Variants in VSIG10L observed in about 807,000 individuals in gnomAD.
VSIG10L encodes the protein V-set and immunoglobulin domain containing 10 like.
In VSIG10L, 63 loss-of-function variants were observed where a neutral mutation model predicts 67.3. The ratio of observed to expected loss-of-function variants is 0.94; its 90% CI spans 0.76 to 1.15. VSIG10L has a LOEUF of 1.15. Ranked by LOEUF, VSIG10L falls within the 50% of genes most tolerant of loss-of-function variation. The pLI is 0.00. For missense variants in VSIG10L, 1,050 were observed against 1,177.5 expected, an observed-to-expected ratio of 0.89 and a Z score of 1.58; for synonymous variants, 499 against 524.9, an observed-to-expected ratio of 0.95 and a Z score of 0.67.
intron 7 of VSIG10L, 74 bp downstream of exon 7, chr19:51,337,164 C>T: frequency 6.8e-7 from 1 of 1,468,244 alleles, no homozygotes; most frequent in Non-Finnish European, 9.1e-7. Flanking sequence ...AGGGCAGGCC[C>T]CAGGACACTA....
Position 51,338,020 on chromosome 19 carries a change from C to G in VSIG10L, c.1918G>C (p.Gly640Arg). 1 of 1,551,688 alleles carries G rather than the reference C, an allele frequency of 6.4e-7. No individual in the cohort carries two copies. The highest frequency in any genetic ancestry group is 8.7e-7 in the Non-Finnish European group (1 of 1,146,988). Reference sequence around the variant, plus strand: ...AGGTCCCAATCCAGGCTGAAGTTGCCGATGTGGAGTTTCCGCCCATCTTGA... The same window carrying G: ...AGGTCCCAATCCAGGCTGAAGTTGCGGATGTGGAGTTTCCGCCCATCTTGA... Reference protein sequence around the residue: ...LSQDGRKLHIGNFSLDWDLGN... With the variant: ...LSQDGRKLHIRNFSLDWDLGN... The change falls in exon 6 of 10, where the codon GGC becomes CGC. Residue 640 changes from glycine to arginine, a missense_variant. Transcript: ENST00000335624.
chr19:51,338,413 A>G (rs899184926), intron 5 of VSIG10L, among the ~76,000 whole-genome samples: 1 of 152,150 alleles, frequency 6.6e-6, no homozygotes, highest in Non-Finnish European at 1.5e-5. Flanking sequence ...CTTATTGAAC[A>G]CATACCATAG....
intron 9 of VSIG10L, among the ~76,000 whole-genome samples, chr19:51,332,854 T>C (rs1985391606): frequency 6.6e-6 from 1 of 152,060 alleles, no homozygotes; most frequent in Non-Finnish European, 1.5e-5. Context: ...TTTATTTATT[T>C]ATTTATTTAT....
chr19:51,332,701 C>G, intron 9 of VSIG10L, 61 bp from the exon 10 acceptor site: 1 of 1,456,982 alleles, frequency 6.9e-7, no homozygotes, highest in African/African-American at 1.4e-5. Flanking sequence ...TGACATAACT[C>G]ACCCGCCTAA....
intron 9 of VSIG10L, among the ~76,000 whole-genome samples, chr19:51,333,094 C>G (rs1985396283): frequency 6.6e-6 from 1 of 152,198 alleles, no homozygotes; most frequent in Admixed American, 6.5e-5. Context: ...AAGTGATTCT[C>G]TCTCCTCAAC....
chr19:51,340,590 C>T lies in VSIG10L; in HGVS notation c.1032G>A (p.Glu344=), dbSNP rs2123558586. The change falls in exon 3 of 10, where the codon GAG becomes GAA. Residue 344 remains glutamate (E), a synonymous_variant. Transcript: ENST00000335624. The surrounding 1 kb of genome is among the most constrained non-coding windows in gnomAD (Gnocchi z 6.3). ...LSWSRDGRAL[E]AAESEGAETP... ...TCTCGGCTCCCTCCGATTCCGCCGC[C>T]TCCAGGGCGCGTCCGTCCCGGCTCC... 6.5e-7 allele frequency: 1 copy of T among 1,535,318 alleles called. No homozygotes were observed. The highest frequency in any genetic ancestry group is 1.4e-5 in the African/African-American group (1 of 73,098).
At chr19:51,333,251 G>C (rs1401221094) in intron 9 of VSIG10L, among the ~76,000 whole-genome samples, 1 of 152,186 alleles carries the variant, frequency 6.6e-6, no homozygotes, top group African/African-American at 2.4e-5. Context: ...TGGAGGGGCT[G>C]GGCGTAGTGG....
At position 51,341,204 on chromosome 19, in the gene VSIG10L, T is replaced by C; in HGVS notation, c.844A>G (p.Ile282Val). Residue 282 changes from isoleucine to valine, a missense_variant, in exon 2 of 10, where the codon ATC becomes GTC. By Grantham distance (29) the Ile-to-Val change is conservative. This residue lies in a region of VSIG10L where 511 missense variants were observed against 557.9 expected (regional missense o/e 0.92). Transcript: ENST00000335624. The part of the protein sequence containing the change: ...DDAGVYTAEV[I>V]RAGVSQQTHE... Reference sequence around the variant, plus strand: ...GTCTGCTGGGAGACCCCTGCCCGGATGACCTCAGCCGTGTAGACCCCTGCA... The same window carrying C: ...GTCTGCTGGGAGACCCCTGCCCGGACGACCTCAGCCGTGTAGACCCCTGCA... The C allele has an allele frequency of 1.3e-6, 2 of 1,545,098 alleles. No homozygotes were observed. Among genetic ancestry groups the C allele is most frequent in the East Asian group, 4.9e-5 (2 of 40,802 alleles).
chr19:51,337,797 C>A, intron 6 of VSIG10L, 133 bp downstream of exon 6: 1 of 1,209,354 alleles, frequency 8.3e-7, no homozygotes, highest in Non-Finnish European at 1.1e-6. Flanking sequence ...ACTCCAGGGT[C>A]TGAGGGAGGA....
chr19:51,334,219 A>C lies in VSIG10L; in HGVS notation c.2391T>G (p.Leu797=). 3 of 1,551,814 alleles carry C rather than the reference A, an allele frequency of 1.9e-6. No homozygotes were observed. Among genetic ancestry groups the C allele is most frequent in the Non-Finnish European group, 2.6e-6 (3 of 1,147,008 alleles). The change falls in exon 8 of 10, where the codon CTT becomes CTG. Residue 797 remains leucine (L), a synonymous_variant. Transcript: ENST00000335624. The part of the protein sequence containing the change: ...GLALLAVLLL[L]CICCLCRFRG... ...GAAAGCGGCACAGGCAGCAGATGCA[A>C]AGGAGGAGAAGTACGGCTAGCAGCG...
chr19:51,337,336 G>T lies in VSIG10L; in HGVS notation c.2207C>A (p.Pro736His). The change falls in exon 7 of 10, where the codon CCC becomes CAC. Residue 736 changes from proline (P) to histidine (H), a missense_variant. Around this residue, in one of 3 missense-constraint regions of VSIG10L, gnomAD observed 529 missense variants for 584.9 expected, o/e 0.90. Coordinates refer to ENST00000335624, the MANE Select transcript of VSIG10L (RefSeq NM_001163922.3). The part of the protein sequence containing the change: ...LGPQERSAVV[P>H]LPPRNPGTWT... ...GGTCCCTGGGTTCCGAGGTGGAAGG[G>T]GCACCACGGCTGACCGCTCCTGAGG... The T allele has an allele frequency of 6.4e-7, 1 of 1,551,662 alleles. No homozygotes were observed. The highest frequency in any genetic ancestry group is 8.7e-7 in the Non-Finnish European group (1 of 1,146,972).
chr19:51,337,968 C>A lies in VSIG10L; in HGVS notation c.1970G>T (p.Gly657Val), dbSNP rs1420637720. Residue 657 changes from glycine to valine, a missense_variant, in exon 6 of 10, where the codon GGG (glycine) becomes GTG (valine). This residue lies in a region of VSIG10L where 529 missense variants were observed against 584.9 expected (regional missense o/e 0.90). Transcript: ENST00000335624. ...CTGGTCACCGCCAGCACCCAGCGCC[C>A]CACTGCACAGCACGGAGTAATTTCC... ...DLGNYSVLCS[G>V]ALGAGGDQIT... 1 of 1,551,354 alleles carries A rather than the reference C, an allele frequency of 6.4e-7. No homozygotes were observed. Among genetic ancestry groups the A allele is most frequent in the Admixed American group, 2.0e-5 (1 of 50,930 alleles).
In VSIG10L at chr19:51,341,322, T is replaced by A. The variant is rs976995016; in HGVS notation, c.726A>T (p.Ala242=). The change falls in exon 2 of 10, where the codon GCA becomes GCT. Residue 242 remains alanine (A), a synonymous_variant. Transcript: ENST00000335624. ...VLAAGGLGPG[A]PLISLDPAHR... ...GAGCAGGGTCCAGGCTGATCAGAGG[T>A]GCCCCTGGCCCCAGGCCCCCAGCTG... The A allele has an allele frequency of 3.9e-6, 6 of 1,543,238 alleles. No individual in the cohort carries two copies. In the African/African-American group the frequency reaches 8.2e-5, roughly 21 times the overall value.
chr19:51,333,956 G>C lies in VSIG10L; in HGVS notation c.2420-11C>G. 6.4e-7 allele frequency: 1 copy of C among 1,551,114 alleles called. No individual in the cohort carries two copies. Among genetic ancestry groups the C allele is most frequent in the South Asian group, 1.2e-5 (1 of 83,948 alleles). On this transcript the variant is annotated splice_polypyrimidine_tract_variant and intron_variant, in intron 8 of 9. Transcript: ENST00000335624. ...TCTCAGGAGTCTTTCCTGATTGAGA[G>C]GCAGAAGAGAAGCAGGAACACGTGA...
chr19:51,341,049 C>T (rs1385030073), intron 2 of VSIG10L, 104 bp downstream of exon 2: 2 of 1,407,068 alleles, frequency 1.4e-6, no homozygotes, highest in East Asian at 2.6e-5. Flanking sequence ...ACCCAGAAGT[C>T]CTCTTCTCCT....
At chr19:51,337,584 G>A in intron 6 of VSIG10L, 50 bp from the exon 7 acceptor site, 1 of 1,004,456 alleles carries the variant, frequency 1.0e-6, no homozygotes, top group Admixed American at 2.8e-5. Context: ...AGGGGAGAGG[G>A]AAGGGGGCTG....
At chr19:51,339,273 C>G (rs1184195824) in intron 4 of VSIG10L, 131 bp from the exon 5 acceptor site, 1 of 1,004,870 alleles carries the variant, frequency 1.0e-6, no homozygotes, top group Admixed American at 4.3e-5. Flanking sequence ...CCCACTTTTC[C>G]TGCGATCCCG....
At chr19:51,338,458 T>C (rs1487507758) in intron 5 of VSIG10L, among the ~76,000 whole-genome samples, 1 of 152,180 alleles carries the variant, frequency 6.6e-6, no homozygotes, top group Non-Finnish European at 1.5e-5. Flanking sequence ...CATATTATTT[T>C]CAGCTATTCT....
In VSIG10L at chr19:51,338,103, G is replaced by T; in HGVS notation, c.1835C>A (p.Ser612Tyr). ...CAGGGGCCTCCCTTCCCGGGCCCAG[G>T]ATGCCCGTGAGGGTGGGGGACAACC... ...ASGCPPPSRA[S>Y]WAREGRPLAP... Residue 612 changes from serine (S) to tyrosine (Y), a missense_variant, in exon 6 of 10, where the codon TCC becomes TAC. Coordinates refer to ENST00000335624, the MANE Select transcript of VSIG10L (RefSeq NM_001163922.3). 1 of 1,550,988 alleles carries T rather than the reference G, an allele frequency of 6.4e-7. No individual in the cohort carries two copies.
Sources: gnomAD v4.1 joint callset for allele counts (sites outside exome capture counted in the v4.1 genomes callset) on GRCh38, gnomAD v4.1.1 for gene constraint, gnomAD v4.1.1 regional missense constraint, Gnocchi (gnomAD v3.1) non-coding constraint, MANE v1.5 for transcripts, NCBI Gene and HGNC (gene_info 2026-07-23, HGNC 2026-07-21) for gene names.